SLC16A3: variants seen among roughly 807,000 people sequenced by gnomAD.
SLC16A3 encodes the protein solute carrier family 16 member 3.
In SLC16A3, 22 loss-of-function variants were observed where a neutral mutation model predicts 25.0. The observed-to-expected ratio is 0.88, with a 90% CI of 0.63 to 1.26. The LOEUF (loss-of-function observed/expected upper bound fraction) is 1.26, where lower values mean the gene tolerates loss of function less well. Ranked by LOEUF, SLC16A3 falls within the 50% of genes most tolerant of loss-of-function variation. SLC16A3 has a pLI of 0.00. For synonymous variants in SLC16A3, 390 were observed against 309.2 expected (o/e 1.26, Z -2.74); for missense variants, 731 against 666.6 (o/e 1.10, Z -1.06).
chr17:82,239,990 G>A lies in SLC16A3; in HGVS notation c.*1014G>A, dbSNP rs769573174. 2.8e-5 allele frequency: 34 copies of A among 1,233,576 alleles called. 1 individual carries two copies. Among genetic ancestry groups the A allele is most frequent in the Middle Eastern group, 4.1e-4 (2 of 4,864 alleles). The allele number at this position is 1,233,576 out of a possible 1,614,324, so 76.4% of individuals were successfully genotyped here. On this transcript the variant is annotated 3_prime_UTR_variant, in exon 5 of 5. Transcript: ENST00000582743. The stretch of plus-strand genomic sequence containing the variant: ...CGCCGGGGCCCTCAGTAGGTGCGTC[G>A]TGGGCGCTGGGGACGGCAGCGGGTG...
chr17:82,230,501 T>C (rs1342520047), intron 1 of SLC16A3: 2 of 152,590 alleles, frequency 1.3e-5, no homozygotes, highest in Admixed American at 1.3e-4. Flanking sequence ...CGGGGCACTT[T>C]ACTTTGGAGG....
At chr17:82,233,573 C>A (rs546367282) in intron 1 of SLC16A3, 1 of 152,386 alleles carries the variant, frequency 6.6e-6, no homozygotes, top group South Asian at 2.1e-4. Flanking sequence ...CGTCTCCCAC[C>A]CCCGCTGGTG....
intron 4 of SLC16A3, among the ~76,000 whole-genome samples, 189 bp downstream of exon 4, chr17:82,238,082 T>C (rs2147135223): frequency 6.6e-6 from 1 of 152,188 alleles, no homozygotes; most frequent in East Asian, 1.9e-4. Flanking sequence ...AGTGGGGTGC[T>C]CCGTCCGGCA....
At position 82,237,607 on chromosome 17, in the gene SLC16A3, G is replaced by A. The variant is rs186815098; in HGVS notation, c.837G>A (p.Pro279=). Residue 279 remains proline (P), a synonymous_variant, in exon 4 of 5, where the codon CCG becomes CCA. Coordinates refer to ENST00000582743, the MANE Select transcript of SLC16A3 (RefSeq NM_004207.4). ...GCTTCATTGACATCTTCGCGCGGCC[G>A]GCCGCGGGCTTCGTGGCGGGGCTTG... ...ILGFIDIFAR[P]AAGFVAGLGK... 2.0e-5 allele frequency: 33 copies of A among 1,612,408 alleles called. No individual in the cohort carries two copies. The Admixed American group carries it at 2.8e-4, about 14-fold the overall frequency.
upstream of SLC16A3, among the ~76,000 whole-genome samples, chr17:82,224,732 GCAGACACATCCCAACATCCATGCA>G (rs2050411251): frequency 6.6e-6 from 1 of 150,914 alleles, no homozygotes; most frequent in South Asian, 2.1e-4. Context: ...CTACACCCGT[GCAGACACATCCCAACATCCATGCA>G]CAGACGCACC....
Position 82,236,798 on chromosome 17 carries a change from C to T in SLC16A3, c.293C>T (p.Ala98Val), listed in dbSNP as rs747054061. 6.2e-6 allele frequency: 10 copies of T among 1,608,830 alleles called. No individual in the cohort carries two copies. The highest frequency in any genetic ancestry group is 2.2e-5 in the East Asian group (1 of 44,870). The change falls in exon 3 of 5, where the codon GCG becomes GTG. Residue 98 changes from alanine to valine, a missense_variant. Physicochemically the swap from Ala to Val is moderately conservative, Grantham distance 64 (BLOSUM62 0). Coordinates refer to ENST00000582743, the MANE Select transcript of SLC16A3 (RefSeq NM_004207.4). ...GTCATGCTTGTGGGGGGTCTCTTTG[C>T]GTCGCTGGGCATGGTGGCTGCGTCC... Reference protein sequence around the residue: ...RPVMLVGGLFASLGMVAASFC... With the variant: ...RPVMLVGGLFVSLGMVAASFC...
At chr17:82,237,077 A>T in intron 3 of SLC16A3, 61 bp from the exon 4 acceptor site, 2 of 1,464,620 alleles carry the variant, frequency 1.4e-6, no homozygotes, top group Non-Finnish European at 1.8e-6. Flanking sequence ...GGGGGCAGAG[A>T]TGAGGGTCTC....
upstream of SLC16A3, among the ~76,000 whole-genome samples, chr17:82,228,696 G>A (rs1747535049): frequency 6.6e-6 from 1 of 152,098 alleles, no homozygotes; most frequent in Admixed American, 6.5e-5. Context: ...GGGACCTGCC[G>A]CGCTGCGCTC....
In SLC16A3 at chr17:82,236,888, C is replaced by T. The variant is rs374359109; in HGVS notation, c.367+16C>T. 14 of 1,602,454 alleles carry T rather than the reference C, an allele frequency of 8.7e-6. No individual in the cohort carries two copies. Among genetic ancestry groups the T allele is most frequent in the South Asian group, 6.6e-5 (6 of 90,990 alleles). On this transcript the variant is annotated intron_variant, in intron 3 of 4. Coordinates refer to ENST00000582743, the MANE Select transcript of SLC16A3 (RefSeq NM_004207.4). ...GTCATCACGGGTGAGTGGGGCCGGC[C>T]GGTGGGCCGCACGTGCCAGGAGGGG...
upstream of SLC16A3, among the ~76,000 whole-genome samples, chr17:82,224,889 C>CA (rs1050040748): frequency 6.6e-6 from 1 of 152,196 alleles, no homozygotes; most frequent in African/African-American, 2.4e-5. Flanking sequence ...CCACCACAGG[C>CA]AGCAGTGTGG....
At chr17:82,217,958 G>T (rs766175708) in exon 1 of SLC16A3, among the ~76,000 whole-genome samples, 69 of 152,342 alleles carry the variant, frequency 4.5e-4, no homozygotes, top group Non-Finnish European at 6.5e-4. Flanking sequence ...CGGCCCCATA[G>T]GCCTCTAGCC....
upstream of SLC16A3, chr17:82,228,695 C>G (rs776794594): frequency 6.6e-6 from 1 of 152,310 alleles, no homozygotes; most frequent in Non-Finnish European, 1.5e-5. Flanking sequence ...TGGGACCTGC[C>G]GCGCTGCGCT....
At chr17:82,234,050 C>G (rs374186267) in intron 1 of SLC16A3, 1 of 56,994 alleles carries the variant, frequency 1.8e-5, no homozygotes, top group African/African-American at 4.7e-5. Flanking sequence ...CCGTGTTAGC[C>G]AGGATGGTCT....
At chr17:82,223,989 T>C (rs1173422543), upstream of SLC16A3, among the ~76,000 whole-genome samples, 14 of 144,486 alleles carry the variant, frequency 9.7e-5, no homozygotes, top group East Asian at 4.3e-4. Flanking sequence ...CCCCTACACC[T>C]GTGCAGACGC....
At chr17:82,223,718 C>T (rs757325499), upstream of SLC16A3, among the ~76,000 whole-genome samples, 17 of 151,928 alleles carry the variant, frequency 1.1e-4, no homozygotes, top group Non-Finnish European at 1.9e-4. Flanking sequence ...TTTGCTGCAC[C>T]CACTTTACAG....
upstream of SLC16A3, among the ~76,000 whole-genome samples, chr17:82,225,352 G>A (rs1362500578): frequency 1.3e-5 from 2 of 152,210 alleles, no homozygotes; most frequent in Non-Finnish European, 2.9e-5. Context: ...CCATGGTCCT[G>A]GTCCTGGGTC....
At chr17:82,221,634 C>T (rs997675524) in intron 1 of SLC16A3, among the ~76,000 whole-genome samples, 4 of 152,016 alleles carry the variant, frequency 2.6e-5, no homozygotes, top group Non-Finnish European at 5.9e-5. Context: ...AAAGAAGATA[C>T]AGAATGGCCA....
At chr17:82,235,588 C>G (rs2050582720) in intron 1 of SLC16A3, 2 of 248,934 alleles carry the variant, frequency 8.0e-6, no homozygotes, top group Admixed American at 4.9e-5. Context: ...GAGGTGCCGT[C>G]TGCTGCCAGA....
At chr17:82,227,944 A>C (rs543701142), upstream of SLC16A3, among the ~76,000 whole-genome samples, 1 of 152,206 alleles carries the variant, frequency 6.6e-6, no homozygotes, top group Non-Finnish European at 1.5e-5. Flanking sequence ...GCAGATGGAG[A>C]GCCAAGGCCC....
Sources: allele counts gnomAD v4.1 joint callset (sites outside exome capture counted in the v4.1 genomes callset), GRCh38; gene constraint gnomAD v4.1.1; transcripts MANE v1.5; gene names NCBI Gene and HGNC (gene_info 2026-07-23, HGNC 2026-07-21).